PI4KA: variants seen among roughly 807,000 people sequenced by gnomAD.
PI4KA encodes PI4-kinase alpha.
PI4KA carries 122 observed loss-of-function variants against 271.4 expected under a neutral mutation model. The observed-to-expected ratio is 0.45, with a 90% CI of 0.39 to 0.52. The LOEUF (loss-of-function observed/expected upper bound fraction) is 0.52, where lower values mean the gene tolerates loss of function less well. Ranked by LOEUF, PI4KA falls within the 20% of genes least tolerant of loss-of-function variation. The pLI is 0.00. For synonymous variants in PI4KA, 1,041 were observed against 1,078.8 expected, an observed-to-expected ratio of 0.96 and a Z score of 0.69; for missense variants, 1,969 against 2,769.1, an observed-to-expected ratio of 0.71 and a Z score of 6.48.
At chr22:20,726,736 C>T (rs754657032) in intron 41 of PI4KA, among the ~76,000 whole-genome samples, 195 bp from the exon 42 acceptor site, 6 of 152,248 alleles carry the variant, frequency 3.9e-5, no homozygotes, top group Non-Finnish European at 2.9e-5. Context: ...GCAAGGCTCC[C>T]GCTCTACAGC....
chr22:20,715,663 C>T (rs5760171), intron 45 of PI4KA, among the ~76,000 whole-genome samples: 11,056 of 148,810 alleles, frequency 0.074, 391 homozygotes, highest in East Asian at 0.084. Flanking sequence ...TTAGTTGAGA[C>T]GGGGTTTCAC....
At chr22:20,730,077 A>C in intron 36 of PI4KA, 66 bp from the exon 37 acceptor site, 1 of 1,574,754 alleles carries the variant, frequency 6.4e-7, no homozygotes, top group Non-Finnish European at 8.7e-7. Flanking sequence ...CAAAAAATAA[A>C]CTACTATTCA....
intron 9 of PI4KA, among the ~76,000 whole-genome samples, chr22:20,809,128 T>C (rs1175303955): frequency 1.3e-5 from 2 of 151,900 alleles, no homozygotes; most frequent in African/African-American, 4.8e-5. Context: ...CTGGGAGAGG[T>C]TAAAGCAGTT....
At position 20,839,597 on chromosome 22, in the gene PI4KA, C is replaced by T. The variant is rs1019889781; in HGVS notation, c.157-866G>A. On this transcript the variant is annotated intron_variant, in intron 1 of 54. Transcript: ENST00000255882. ...CTGTAATCCCAGCACTTTGGTAGGC[C>T]GAGGCAGGCGGATCACGAGGTCAGA... Among the ~76,000 whole-genome samples the T allele has an allele frequency of 2.0e-5, 3 of 152,242 alleles. No individual in the cohort carries two copies. The East Asian group carries it at 5.8e-4, about 29-fold the overall frequency.
Position 20,734,560 on chromosome 22 carries a change from G to A in PI4KA, c.3742-7C>T. On this transcript the variant is annotated splice_region_variant and splice_polypyrimidine_tract_variant and intron_variant, in intron 32 of 54. Coordinates refer to ENST00000255882, the MANE Select transcript of PI4KA (RefSeq NM_058004.4). Reference sequence around the variant, plus strand: ...CTGCCATCTCCCGCATGAACTACAGGTACAGAAGGAATGTTAGCTCCTCTG... The same window carrying A: ...CTGCCATCTCCCGCATGAACTACAGATACAGAAGGAATGTTAGCTCCTCTG... 1 of 1,613,904 alleles carries A rather than the reference G, an allele frequency of 6.2e-7. No individual in the cohort carries two copies. The highest frequency in any genetic ancestry group is 8.5e-7 in the Non-Finnish European group (1 of 1,179,858).
At chr22:20,791,839 A>G (rs1934666110) in intron 19 of PI4KA, among the ~76,000 whole-genome samples, 2 of 152,172 alleles carry the variant, frequency 1.3e-5, no homozygotes, top group Non-Finnish European at 2.9e-5. Context: ...GGCAGCTCAT[A>G]CCTGTAATAC....
chr22:20,798,913 C>T, intron 16 of PI4KA, 180 bp downstream of exon 16: 2 of 631,598 alleles, frequency 3.2e-6, no homozygotes, highest in Non-Finnish European at 5.5e-6. Context: ...AGAAATTAAA[C>T]CTCTTTTTCC....
intron 28 of PI4KA, among the ~76,000 whole-genome samples, chr22:20,749,229 C>T (rs1223990563): frequency 3.9e-5 from 6 of 152,228 alleles, no homozygotes; most frequent in Admixed American, 2.0e-4. Context: ...ACCAGAAACA[C>T]TTTTGAGCCT....
rs1012212446 is a variant in PI4KA at position 20,742,868 on chromosome 22, C to T, written c.3457-104G>A. 41 of 977,960 alleles carry T rather than the reference C, an allele frequency of 4.2e-5. 1 individual carries two copies. The highest frequency in any genetic ancestry group is 4.0e-4 in the African/African-American group (25 of 62,948). 60.6% of individuals were successfully genotyped at this position (977,960 alleles called of 1,614,324 possible). On this transcript the variant is annotated intron_variant, in intron 30 of 54. Transcript: ENST00000255882. ...CTTGTGGTGGCACTGGTGGGTGCCT[C>T]GCTGCCCCAAAGTGGAGCTCATGCA...
intron 1 of PI4KA, among the ~76,000 whole-genome samples, chr22:20,844,366 T>G (rs1047484897): frequency 1.3e-5 from 2 of 152,184 alleles, no homozygotes; most frequent in African/African-American, 4.8e-5. Flanking sequence ...AATTGTCATA[T>G]AGTCAGTACC....
chr22:20,740,440 C>T (rs1372916425), intron 32 of PI4KA, among the ~76,000 whole-genome samples: 1 of 144,786 alleles, frequency 6.9e-6, no homozygotes, highest in Non-Finnish European at 1.5e-5. Context: ...AAATATTGAC[C>T]TTAAGAGCCT....
At chr22:20,723,185 T>C (rs1926947256) in intron 42 of PI4KA, among the ~76,000 whole-genome samples, 1 of 151,724 alleles carries the variant, frequency 6.6e-6, no homozygotes, top group Non-Finnish European at 1.5e-5. Flanking sequence ...GCCTGGCTAA[T>C]CTTTTTTTGT....
At chr22:20,763,154 C>G (rs1932170772) in intron 22 of PI4KA, among the ~76,000 whole-genome samples, 1 of 152,092 alleles carries the variant, frequency 6.6e-6, no homozygotes, top group Admixed American at 6.5e-5. Context: ...ACTCTGTCGC[C>G]CAGGCTGCAG....
chr22:20,842,814 CAAA>C (rs764238069), intron 1 of PI4KA, among the ~76,000 whole-genome samples: 1 of 81,670 alleles, frequency 1.2e-5, no homozygotes, highest in Non-Finnish European at 2.4e-5. Flanking sequence ...GACTCTGTCT[CAAA>C]AAAAAAAAAA....
chr22:20,851,380 C>A (rs1352690392), intron 1 of PI4KA, among the ~76,000 whole-genome samples: 1 of 152,042 alleles, frequency 6.6e-6, no homozygotes, highest in Non-Finnish European at 1.5e-5. Flanking sequence ...CTTGCTCTGT[C>A]GCCCAGGCTG....
intron 27 of PI4KA, among the ~76,000 whole-genome samples, chr22:20,750,818 G>A (rs1444471463): frequency 6.6e-6 from 1 of 152,210 alleles, no homozygotes; most frequent in Non-Finnish European, 1.5e-5. Flanking sequence ...TTGGGGAGAG[G>A]AGAGACCCAG....
Position 20,726,453 on chromosome 22 carries a change from G to A in PI4KA, c.4995+35C>T, listed in dbSNP as rs1927359669. On this transcript the variant is annotated intron_variant, in intron 42 of 54. Transcript: ENST00000255882. ...CAAGCTGGTGTGGAACACACTCTGT[G>A]AGTGAAGAGGACGGCCATGCAGGTG... 2.6e-6 allele frequency: 4 copies of A among 1,518,926 alleles called. No homozygotes were observed. In the South Asian group the frequency reaches 4.0e-5, roughly 15 times the overall value. The allele number at this position is 1,518,926 out of a possible 1,614,324, so 94.1% of individuals were successfully genotyped here.
At position 20,726,545 on chromosome 22, in the gene PI4KA, T is replaced by G; in HGVS notation, c.4942-4A>C. The G allele has an allele frequency of 6.3e-7, 1 of 1,584,952 alleles. No individual in the cohort carries two copies. Among genetic ancestry groups the G allele is most frequent in the Non-Finnish European group, 8.6e-7 (1 of 1,167,838 alleles). On this transcript the variant is annotated splice_region_variant and splice_polypyrimidine_tract_variant and intron_variant, in intron 41 of 54. Coordinates refer to ENST00000255882, the MANE Select transcript of PI4KA (RefSeq NM_058004.4). Reference sequence around the variant, plus strand: ...GGATGTAGAAGAGGATGGCGTCCTGTGGAGGTGGAGCAGAGTTGGCCATGA... The same window carrying G: ...GGATGTAGAAGAGGATGGCGTCCTGGGGAGGTGGAGCAGAGTTGGCCATGA...
Position 20,726,543 on chromosome 22 carries a change from T to C in PI4KA, c.4942-2A>G. 1 of 1,585,440 alleles carries C rather than the reference T, an allele frequency of 6.3e-7. No homozygotes were observed. Among genetic ancestry groups the C allele is most frequent in the Non-Finnish European group, 8.6e-7 (1 of 1,168,124 alleles). ...GGGGATGTAGAAGAGGATGGCGTCC[T>C]GTGGAGGTGGAGCAGAGTTGGCCAT... On this transcript the variant is annotated splice_acceptor_variant, in intron 41 of 54. Transcript: ENST00000255882. LOFTEE classifies it high-confidence loss of function.
Sources: allele counts gnomAD v4.1 joint callset (sites outside exome capture counted in the v4.1 genomes callset), GRCh38; gene constraint gnomAD v4.1.1; transcripts MANE v1.5; gene names NCBI Gene and HGNC (gene_info 2026-07-23, HGNC 2026-07-21).